The following CDK5RAP2 variants were observed in gnomAD, a reference collection of about 807,000 sequenced individuals.
CDK5RAP2 encodes the protein CDK5 regulatory subunit associated protein 2.
In CDK5RAP2, 147 loss-of-function variants were observed where a neutral mutation model predicts 232.9. The ratio of observed to expected loss-of-function variants is 0.63; its 90% confidence interval spans 0.55 to 0.72. The LOEUF is 0.72. Ranked by LOEUF, CDK5RAP2 falls within the 30% of genes least tolerant of loss-of-function variation. The probability of loss-of-function intolerance (pLI) is 0.00; values close to 1 mark genes in which losing one functional copy is unlikely to be tolerated. For synonymous variants in CDK5RAP2, 833 were observed against 833.7 expected (o/e 1.00, Z 0.01); for missense variants, 2,195 against 2,231.5 (o/e 0.98, Z 0.33).
intron 28 of CDK5RAP2, among the ~76,000 whole-genome samples, chr9:120,414,703 GCTAA>G (rs1468184797): frequency 6.6e-6 from 1 of 152,202 alleles, no homozygotes; most frequent in Non-Finnish European, 1.5e-5. Context: ...TCTATTCGGA[GCTAA>G]CTGTGTTTAT....
chr9:120,477,389 AT>A lies in CDK5RAP2; in HGVS notation c.1687del (p.Ile563SerfsTer22). 1.2e-6 allele frequency: 2 copies of A among 1,614,028 alleles called. No individual in the cohort carries two copies. The highest frequency in any genetic ancestry group is 1.7e-6 in the Non-Finnish European group (2 of 1,179,984). ...LIQVLKKEQD[I>X]YTHLVKSLQE... ...CAGAGATTTGACCAGATGGGTATAGATGTCCTGCTCTTTCTTTAAGACCTGA... is the reference window on the plus strand; with the variant it reads ...CAGAGATTTGACCAGATGGGTATAGAGTCCTGCTCTTTCTTTAAGACCTGA... On this transcript the variant is annotated frameshift_variant, in exon 15 of 38. Transcript: ENST00000349780. LOFTEE classifies it high-confidence loss of function.
chr9:120,518,584 G>GAGCGC lies in CDK5RAP2; in HGVS notation c.1149_1153dup (p.Ser385CysfsTer26). 2 of 1,613,728 alleles carry GAGCGC rather than the reference G, an allele frequency of 1.2e-6. No individual in the cohort carries two copies. The highest frequency in any genetic ancestry group is 1.7e-6 in the Non-Finnish European group (2 of 1,179,982). ...CTCTGTACTCTTGGTGAGGTTTTGT[G>GAGCGC]AGCGCAGCGCAGCCGAAAGGGCTTC... On this transcript the variant is annotated frameshift_variant, in exon 12 of 38. Transcript: ENST00000349780. LOFTEE classifies it high-confidence loss of function.
chr9:120,396,425 G>A (rs2032468757), intron 35 of CDK5RAP2, among the ~76,000 whole-genome samples: 1 of 152,246 alleles, frequency 6.6e-6, no homozygotes, highest in East Asian at 1.9e-4. Context: ...AGACTCAAAT[G>A]AGATAATGGA....
At chr9:120,564,010 AT>A (rs2042554268) in intron 3 of CDK5RAP2, among the ~76,000 whole-genome samples, 1 of 152,192 alleles carries the variant, frequency 6.6e-6, no homozygotes, top group African/African-American at 2.4e-5. Context: ...GATACAGGCA[AT>A]TGTTTCAGCC....
At chr9:120,421,588 T>C (rs979189639) in intron 26 of CDK5RAP2, among the ~76,000 whole-genome samples, 6 of 152,152 alleles carry the variant, frequency 3.9e-5, no homozygotes, top group African/African-American at 7.2e-5. Context: ...GGACCACATC[T>C]TTAAAGAAGA....
rs76882467 is a variant in CDK5RAP2 at position 120,476,114 on chromosome 9, G to A, written c.1727+1236C>T. Among the ~76,000 whole-genome samples the A allele has an allele frequency of 3.5e-3, 534 of 152,086 alleles. 2 individuals carry two copies. The highest frequency in any genetic ancestry group is 0.01 in the Middle Eastern group (3 of 294). On this transcript the variant is annotated intron_variant, in intron 15 of 37. Transcript: ENST00000349780. ...GGCAGGAACACACAGCCCAGGGAAC[G>A]ATAAAGAGCTCACTATGGTAAGAGC...
At chr9:120,567,940 T>C (rs1156684623) in intron 3 of CDK5RAP2, among the ~76,000 whole-genome samples, 1 of 152,210 alleles carries the variant, frequency 6.6e-6, no homozygotes, top group African/African-American at 2.4e-5. Flanking sequence ...GAGCATCAAA[T>C]AGGGGACCAT....
intron 12 of CDK5RAP2, among the ~76,000 whole-genome samples, chr9:120,498,870 A>G (rs1296686086): frequency 6.6e-6 from 1 of 152,114 alleles, no homozygotes; most frequent in Non-Finnish European, 1.5e-5. Flanking sequence ...TAAATAAATA[A>G]ATAAGTAAAT....
intron 12 of CDK5RAP2, among the ~76,000 whole-genome samples, chr9:120,499,242 AAAGG>A (rs2039462086): frequency 6.6e-6 from 1 of 152,196 alleles, no homozygotes; most frequent in Admixed American, 6.5e-5. Context: ...TCAGTGTTGA[AAAGG>A]AGGGAGTGAG....
At chr9:120,487,153 A>G (rs953773851) in intron 14 of CDK5RAP2, 141 bp downstream of exon 14, 15 of 864,544 alleles carry the variant, frequency 1.7e-5, no homozygotes, top group Non-Finnish European at 2.9e-5. Context: ...TAGGCTAAGA[A>G]CTCCTCCTCC....
In CDK5RAP2 at chr9:120,518,518, T is replaced by C; in HGVS notation, c.1220A>G (p.Glu407Gly). The change falls in exon 12 of 38, where the codon GAG becomes GGG. Residue 407 changes from glutamate to glycine, a missense_variant. Transcript: ENST00000349780. The part of the protein sequence containing the change: ...LRRSIKKITQ[E>G]LSDLQQERER... ...CCTCTCCTGCTGCAAGTCACTCAGC[T>C]CCTGGGTGATCTTCTTAATGCTTCT... 6.2e-7 allele frequency: 1 copy of C among 1,613,730 alleles called. No individual in the cohort carries two copies. The highest frequency in any genetic ancestry group is 8.5e-7 in the Non-Finnish European group (1 of 1,179,924).
intron 32 of CDK5RAP2, chr9:120,406,656 A>G: frequency 3.8e-6 from 1 of 266,040 alleles, no homozygotes; most frequent in Non-Finnish European, 7.2e-6. Flanking sequence ...CCAGATTAAG[A>G]TGTTTAGGTT....
chr9:120,529,752 G>A (rs577638959), intron 8 of CDK5RAP2, among the ~76,000 whole-genome samples: 6 of 152,286 alleles, frequency 3.9e-5, no homozygotes, highest in African/African-American at 1.2e-4. Flanking sequence ...AAGCAGGTAG[G>A]GACTGGTTTT....
chr9:120,534,986 G>A (rs1004702008), intron 7 of CDK5RAP2, among the ~76,000 whole-genome samples: 8 of 152,304 alleles, frequency 5.3e-5, no homozygotes, highest in African/African-American at 1.7e-4. Flanking sequence ...CTGGGGGGAG[G>A]CTCAGTAGGA....
At position 120,428,347 on chromosome 9, in the gene CDK5RAP2, G is replaced by C. The variant is rs546718418; in HGVS notation, c.3956-5606C>G. Reference sequence around the variant, plus strand: ...GTTTTGTGAAAGGATCAACAAAATTGATAGACCGCTAGCAAGACTAATAAA... The same window carrying C: ...GTTTTGTGAAAGGATCAACAAAATTCATAGACCGCTAGCAAGACTAATAAA... On this transcript the variant is annotated intron_variant, in intron 25 of 37. Transcript: ENST00000349780. Among the ~76,000 whole-genome samples, 10 of 152,220 alleles carry C rather than the reference G, an allele frequency of 6.6e-5. No homozygotes were observed. In the East Asian group the frequency reaches 1.2e-3, roughly 18 times the overall value.
intron 17 of CDK5RAP2, 64 bp from the exon 18 acceptor site, chr9:120,468,061 C>T (rs2037485193): frequency 6.6e-7 from 1 of 1,516,544 alleles, no homozygotes; most frequent in Admixed American, 1.7e-5. Context: ...CCCAGGGCCG[C>T]AGCCCCAGAC....
At chr9:120,408,651 C>T (rs1000405300) in intron 30 of CDK5RAP2, among the ~76,000 whole-genome samples, 183 bp from the exon 31 acceptor site, 3 of 152,216 alleles carry the variant, frequency 2.0e-5, no homozygotes, top group Non-Finnish European at 4.4e-5. Flanking sequence ...TCAGAATCTC[C>T]CAGTGGCTTC....
Position 120,431,240 on chromosome 9 carries a change from T to C in CDK5RAP2, c.3955+6055A>G, listed in dbSNP as rs573834638. 1.6e-3 allele frequency among the ~76,000 whole-genome samples: 242 copies of C among 152,316 alleles called. 1 individual carries two copies. Among genetic ancestry groups the C allele is most frequent in the African/African-American group, 5.2e-3 (217 of 41,564 alleles). ...AACTAACCTGCACATTGCGCACATG[T>C]ACCCTAAAACTTAAAGTATAATAAT... On this transcript the variant is annotated intron_variant, in intron 25 of 37. Coordinates refer to ENST00000349780, the MANE Select transcript of CDK5RAP2 (RefSeq NM_018249.6).
Position 120,439,380 on chromosome 9 carries a change from C to G in CDK5RAP2, c.3722+19G>C, listed in dbSNP as rs375915842. On this transcript the variant is annotated intron_variant, in intron 24 of 37. Coordinates refer to ENST00000349780, the MANE Select transcript of CDK5RAP2 (RefSeq NM_018249.6). ...GGGACTACAGGCTTAAACGGGGAGA[C>G]GGCAGAGGTGGAACGTACCTGGGAG... 6.2e-7 allele frequency: 1 copy of G among 1,602,818 alleles called. No individual in the cohort carries two copies.
Sources: allele counts gnomAD v4.1 joint callset (sites outside exome capture counted in the v4.1 genomes callset), GRCh38; gene constraint gnomAD v4.1.1; transcripts MANE v1.5; gene names NCBI Gene and HGNC (gene_info 2026-07-23, HGNC 2026-07-21).